NKAIN1: variants seen among roughly 807,000 people sequenced by gnomAD.
NKAIN1 encodes the protein sodium/potassium-transporting ATPase subunit beta-1-interacting protein 1.
Under a neutral mutation model 31.6 loss-of-function variants are expected in NKAIN1, and 13 were observed. That is an observed-to-expected ratio of 0.41 (90% CI 0.27 to 0.65). NKAIN1 has a LOEUF of 0.65. Among genes scored for constraint, NKAIN1 ranks in the 30% least tolerant of loss-of-function variants. NKAIN1 has a pLI of 0.30. For missense variants in NKAIN1, 193 were observed against 262.2 expected (o/e 0.74, Z 1.82); for synonymous variants, 104 against 109.0 (o/e 0.95, Z 0.28).
At position 31,181,066 on chromosome 1, in the gene NKAIN1, C is replaced by T. The variant is rs1645193454; in HGVS notation, c.*637G>A. On this transcript the variant is annotated 3_prime_UTR_variant, in exon 7 of 7. Coordinates refer to ENST00000373736, the MANE Select transcript of NKAIN1 (RefSeq NM_024522.3). ...CCTCAAGCAAATCACATCTCTGGGC[C>T]TCAGTTTTAATGTACTGCAAAATGA... is the stretch of plus-strand genomic sequence containing the variant. The T allele has an allele frequency of 6.6e-6, 1 of 152,190 alleles. No homozygotes were observed. Among genetic ancestry groups the T allele is most frequent in the South Asian group, 2.1e-4 (1 of 4,824 alleles). The allele number at this position is 152,190 out of a possible 1,614,324, so 9.4% of individuals were successfully genotyped here.
intron 1 of NKAIN1, among the ~76,000 whole-genome samples, chr1:31,204,509 G>A (rs138389544): frequency 2.0e-5 from 3 of 152,248 alleles, no homozygotes; most frequent in East Asian, 1.9e-4. Context: ...CCGGGACCCC[G>A]GCAAGCTCTG....
intron 1 of NKAIN1, among the ~76,000 whole-genome samples, chr1:31,218,071 T>TCTTTCTTTCTTTCTTTCTTTCTC (rs201070152): frequency 7.5e-6 from 1 of 133,616 alleles, no homozygotes; most frequent in African/African-American, 2.8e-5. Context: ...TTTCTTTCTT[T>TCTTTCTTTCTTTCTTTCTTTCTC]TTTTTTTTTG....
chr1:31,200,097 A>G (rs1441210811), intron 1 of NKAIN1, among the ~76,000 whole-genome samples: 1 of 152,106 alleles, frequency 6.6e-6, no homozygotes, highest in Non-Finnish European at 1.5e-5. Context: ...ACGCATTCAC[A>G]CACACGCACG....
At chr1:31,182,497 G>A in intron 5 of NKAIN1, 33 bp downstream of exon 5, 1 of 1,612,970 alleles carries the variant, frequency 6.2e-7, no homozygotes, top group East Asian at 2.2e-5. Context: ...CGCAGGGCCA[G>A]ATTCCCCACT....
At chr1:31,232,575 C>T (rs1645662923) in intron 1 of NKAIN1, among the ~76,000 whole-genome samples, 1 of 149,588 alleles carries the variant, frequency 6.7e-6, no homozygotes, top group Admixed American at 6.7e-5. Flanking sequence ...AGGTGTGAGC[C>T]ACCGCACCTG....
At chr1:31,201,360 ATTT>A (rs36022825) in intron 1 of NKAIN1, among the ~76,000 whole-genome samples, 1 of 136,186 alleles carries the variant, frequency 7.3e-6, no homozygotes, top group Non-Finnish European at 1.5e-5. Context: ...ATCCTACCCT[ATTT>A]TTTTTTTTTT....
In NKAIN1 at chr1:31,181,710, G is replaced by A; in HGVS notation, c.617C>T (p.Ser206Leu). Residue 206 changes from serine to leucine, a missense_variant and splice_region_variant, in exon 7 of 7, where the codon TCG (serine) becomes TTG (leucine). Coordinates refer to ENST00000373736, the MANE Select transcript of NKAIN1 (RefSeq NM_024522.3). ...SHLQLQPLYT[S>L]G ...GTGGGCGCGGGGCAGAGGCTACCCC[G>A]ACCTGCGGGAAACAAAGGCAGGTTA... 1.3e-6 allele frequency: 2 copies of A among 1,486,444 alleles called. No homozygotes were observed. Among genetic ancestry groups the A allele is most frequent in the Non-Finnish European group, 1.8e-6 (2 of 1,112,056 alleles). 92.1% of individuals were successfully genotyped at this position (1,486,444 alleles called of 1,614,324 possible).
intron 1 of NKAIN1, among the ~76,000 whole-genome samples, chr1:31,220,174 A>AT (rs552267355): frequency 0.063 from 7,941 of 126,930 alleles, 306 homozygotes; most frequent in Admixed American, 0.15. Context: ...CGCCCAGCTA[A>AT]TTTTTTTTTT....
At chr1:31,207,785 G>A (rs1279157917) in intron 1 of NKAIN1, among the ~76,000 whole-genome samples, 3 of 152,074 alleles carry the variant, frequency 2.0e-5, no homozygotes, top group South Asian at 2.1e-4. Context: ...CACCCTCTGG[G>A]GACTTGCACT....
At position 31,195,634 on chromosome 1, in the gene NKAIN1, A is replaced by C. The variant is rs75042789; in HGVS notation, c.55-7447T>G. On this transcript the variant is annotated intron_variant, in intron 1 of 6. Transcript: ENST00000373736. ...GCCTCTCCCATTAAAAAAAGAAAAA[A>C]AAAGTGTCTGGGTATAATGGCTCAT... Among the ~76,000 whole-genome samples the C allele has an allele frequency of 4.2e-3, 636 of 152,200 alleles. 37 individuals carry two copies. The East Asian group carries it at 0.098, about 24-fold the overall frequency.
At chr1:31,186,659 G>T (rs1167977638) in intron 2 of NKAIN1, among the ~76,000 whole-genome samples, 1 of 152,076 alleles carries the variant, frequency 6.6e-6, no homozygotes, top group East Asian at 1.9e-4. Flanking sequence ...CATAGAACGG[G>T]AGTCCAGCCT....
At chr1:31,213,128 CA>C (rs35873897) in intron 1 of NKAIN1, among the ~76,000 whole-genome samples, 2 of 143,664 alleles carry the variant, frequency 1.4e-5, no homozygotes, top group Admixed American at 6.9e-5. Context: ...GTTGAGGATA[CA>C]AAAAAAAAGA....
chr1:31,208,636 A>T (rs56091015), intron 1 of NKAIN1, among the ~76,000 whole-genome samples: 1 of 30,324 alleles, frequency 3.3e-5, no homozygotes, highest in East Asian at 1.1e-3. Context: ...TAGTGGGGGG[A>T]GGGGGCCCTG....
In NKAIN1 at chr1:31,188,207, A is replaced by T; in HGVS notation, c.55-20T>A. 1 of 1,550,146 alleles carries T rather than the reference A, an allele frequency of 6.5e-7. No homozygotes were observed. Among genetic ancestry groups the T allele is most frequent in the Non-Finnish European group, 8.7e-7 (1 of 1,146,118 alleles). On this transcript the variant is annotated intron_variant, in intron 1 of 6. Coordinates refer to ENST00000373736, the MANE Select transcript of NKAIN1 (RefSeq NM_024522.3). Reference sequence around the variant, plus strand: ...AGCCACCTGTGGAAGAGACAGGCTGAGGCCACTGTCACCCCCCTGAAAGGG... The same window carrying T: ...AGCCACCTGTGGAAGAGACAGGCTGTGGCCACTGTCACCCCCCTGAAAGGG...
rs886173151 is a variant in NKAIN1 at position 31,182,062 on chromosome 1, G to A, written c.533-121C>T. Reference sequence around the variant, plus strand: ...CACCCTAGGAAGCGGAGCCAGAGAAGCCATGAGGAGGGGAGGGGCGAGGGT... The same window carrying A: ...CACCCTAGGAAGCGGAGCCAGAGAAACCATGAGGAGGGGAGGGGCGAGGGT... On this transcript the variant is annotated intron_variant, in intron 5 of 6. Coordinates refer to ENST00000373736, the MANE Select transcript of NKAIN1 (RefSeq NM_024522.3). 18 of 995,162 alleles carry A rather than the reference G, an allele frequency of 1.8e-5. No homozygotes were observed. In the Admixed American group the frequency reaches 3.7e-4, roughly 21 times the overall value. The allele number at this position is 995,162 out of a possible 1,614,324, so 61.6% of individuals were successfully genotyped here.
rs1028997536 is a variant in NKAIN1 at position 31,239,563 on chromosome 1, G to A, written c.-16C>T. The A allele has an allele frequency of 8.9e-6, 11 of 1,230,620 alleles. No individual in the cohort carries two copies. In the African/African-American group the frequency reaches 1.7e-4, roughly 19 times the overall value. 76.2% of individuals were successfully genotyped at this position (1,230,620 alleles called of 1,614,324 possible). A position where few individuals can be genotyped will look rare whatever the true frequency, so the allele number is the denominator to read the frequency against. On this transcript the variant is annotated 5_prime_UTR_variant, in exon 1 of 7. Transcript: ENST00000373736. This position sits in a 1 kb window ranked among gnomAD's most constrained non-coding sequence, Gnocchi z 4.8. Reference sequence around the variant, plus strand: ...ACTTGCCCATGGCTCCGGGGGCTGCGCGGGCCGCACGCCGCGGCGCCCTTC... The same window carrying A: ...ACTTGCCCATGGCTCCGGGGGCTGCACGGGCCGCACGCCGCGGCGCCCTTC...
rs1645673965 is a variant in NKAIN1, at chr1:31,233,681, C to T, written c.54+5813G>A. On this transcript the variant is annotated intron_variant, in intron 1 of 6. Coordinates refer to ENST00000373736, the MANE Select transcript of NKAIN1 (RefSeq NM_024522.3). The surrounding 1 kb of genome is among the most constrained non-coding windows in gnomAD (Gnocchi z 4.0). Reference sequence around the variant, plus strand: ...GGAATGACCCTGATCACGAAATCCTCTAATACAGGCAGAGATGGGGCTGAC... The same window carrying T: ...GGAATGACCCTGATCACGAAATCCTTTAATACAGGCAGAGATGGGGCTGAC... Among the ~76,000 whole-genome samples the T allele has an allele frequency of 6.6e-6, 1 of 152,170 alleles. No homozygotes were observed. Among genetic ancestry groups the T allele is most frequent in the South Asian group, 2.1e-4 (1 of 4,828 alleles).
Position 31,225,443 on chromosome 1 carries a change from C to T in NKAIN1, c.54+14051G>A, listed in dbSNP as rs568010814. On this transcript the variant is annotated intron_variant, in intron 1 of 6. Coordinates refer to ENST00000373736, the MANE Select transcript of NKAIN1 (RefSeq NM_024522.3). ...TCTGCCTCCTGGGTTAAGCAATTCT[C>T]ATGCCTCACCCAGCTGAATGGACTA... Among the ~76,000 whole-genome samples the T allele has an allele frequency of 2.7e-5, 4 of 147,098 alleles. No homozygotes were observed. The South Asian group carries it at 8.8e-4, about 33-fold the overall frequency.
intron 1 of NKAIN1, among the ~76,000 whole-genome samples, chr1:31,210,664 G>A (rs1012436715): frequency 2.6e-5 from 4 of 152,168 alleles, no homozygotes; most frequent in Middle Eastern, 3.2e-3. Context: ...ACACAGCTGA[G>A]CCCGTTTCCT....
Sources: allele counts gnomAD v4.1 joint callset (sites outside exome capture counted in the v4.1 genomes callset), GRCh38; gene constraint gnomAD v4.1.1; non-coding constraint Gnocchi (gnomAD v3.1); transcripts MANE v1.5; gene names NCBI Gene and HGNC (gene_info 2026-07-23, HGNC 2026-07-21).